The following HIVEP2 variants were observed in gnomAD, a reference collection of about 807,000 sequenced individuals.
HIVEP2 encodes the protein HIVEP zinc finger 2.
In HIVEP2, 14 loss-of-function variants were observed where a neutral mutation model predicts 180.7. The ratio of observed to expected loss-of-function variants is 0.08; its 90% confidence interval spans 0.05 to 0.12. The LOEUF (loss-of-function observed/expected upper bound fraction) is 0.12. Among genes scored for constraint, HIVEP2 ranks in the 10% least tolerant of loss-of-function variants. HIVEP2 has a pLI of 1.00. For missense variants in HIVEP2, 2,579 were observed against 3,008.5 expected (o/e 0.86, Z 3.34); for synonymous variants, 1,184 against 1,136.4 (o/e 1.04, Z -0.84).
intron 1 of HIVEP2, among the ~76,000 whole-genome samples, chr6:142,881,156 T>C (rs1205228867): frequency 6.6e-6 from 1 of 152,214 alleles, no homozygotes; most frequent in Non-Finnish European, 1.5e-5. Context: ...GACTATGCCA[T>C]GTGGCCTTAT....
intron 1 of HIVEP2, among the ~76,000 whole-genome samples, chr6:142,920,735 A>G (rs1777664194): frequency 6.6e-6 from 1 of 152,148 alleles, no homozygotes; most frequent in Non-Finnish European, 1.5e-5. Flanking sequence ...TAATCCTAGC[A>G]CTTTGGGAAG....
chr6:142,916,885 A>C (rs1777563707), intron 1 of HIVEP2, among the ~76,000 whole-genome samples: 1 of 152,252 alleles, frequency 6.6e-6, no homozygotes, highest in Admixed American at 6.5e-5. Flanking sequence ...ATATTGAAAG[A>C]AACTACTGTT....
At chr6:142,876,213 G>A (rs759281455) in intron 1 of HIVEP2, among the ~76,000 whole-genome samples, 8 of 152,126 alleles carry the variant, frequency 5.3e-5, no homozygotes, top group Non-Finnish European at 1.0e-4. Flanking sequence ...TGAGAGGTGA[G>A]GAACTTAAGA....
chr6:142,805,662 G>T (rs558925089), intron 2 of HIVEP2, among the ~76,000 whole-genome samples: 1 of 152,016 alleles, frequency 6.6e-6, no homozygotes, highest in Non-Finnish European at 1.5e-5. Flanking sequence ...AGAAGACTGC[G>T]TGTCTCCTGA....
intron 1 of HIVEP2, among the ~76,000 whole-genome samples, chr6:142,854,925 C>T (rs1293766104): frequency 6.6e-6 from 1 of 152,180 alleles, no homozygotes; most frequent in Admixed American, 6.5e-5. Context: ...CAGGTCCACT[C>T]CACCACAAAT....
At chr6:142,775,604 A>T (rs1463663198) in intron 4 of HIVEP2, among the ~76,000 whole-genome samples, 2 of 152,174 alleles carry the variant, frequency 1.3e-5, no homozygotes, top group Non-Finnish European at 2.9e-5. Flanking sequence ...GGGGAGGCTG[A>T]GGCAGGTGGA....
At chr6:142,867,773 C>T (rs198670) in intron 1 of HIVEP2, among the ~76,000 whole-genome samples, 96,244 of 152,080 alleles carry the variant, frequency 0.63, 30,905 homozygotes, top group African/African-American at 0.68. Context: ...CAGTAACTAA[C>T]GCATTAATAA....
intron 2 of HIVEP2, among the ~76,000 whole-genome samples, chr6:142,796,809 C>T (rs746092215): frequency 1.3e-5 from 2 of 152,144 alleles, no homozygotes; most frequent in Non-Finnish European, 2.9e-5. Context: ...CTGCACTTTG[C>T]TGGCCGACAA....
intron 6 of HIVEP2, among the ~76,000 whole-genome samples, chr6:142,766,360 T>C (rs1011120044): frequency 2.0e-5 from 3 of 152,188 alleles, no homozygotes; most frequent in Admixed American, 1.3e-4. Flanking sequence ...TGACTTCCAC[T>C]TGTTCTTCAA....
intron 1 of HIVEP2, among the ~76,000 whole-genome samples, chr6:142,931,641 G>A (rs1038349132): frequency 6.6e-6 from 1 of 152,140 alleles, no homozygotes; most frequent in East Asian, 1.9e-4. Context: ...CCAATTCAAA[G>A]CAAACATGTC....
chr6:142,936,883 A>C (rs7759138), intron 1 of HIVEP2, among the ~76,000 whole-genome samples: 3,852 of 151,662 alleles, frequency 0.025, 192 homozygotes, highest in African/African-American at 0.089. Context: ...TGTCTAGAAC[A>C]GCCCTTTCCC....
chr6:142,764,690 CACAA>C (rs952863483), intron 7 of HIVEP2, 105 bp downstream of exon 7: 13 of 845,652 alleles, frequency 1.5e-5, no homozygotes, highest in South Asian at 3.2e-5. Context: ...ATCATATTTT[CACAA>C]ACAAACTATC....
chr6:142,793,637 T>C (rs976711462), intron 2 of HIVEP2, among the ~76,000 whole-genome samples: 1 of 34,164 alleles, frequency 2.9e-5, no homozygotes, highest in Non-Finnish European at 5.5e-5. Flanking sequence ...TCTTTCTTTC[T>C]TTCTTTCTTT....
chr6:142,754,001 G>C (rs894064932), intron 9 of HIVEP2, 70 bp from the exon 10 acceptor site: 4 of 787,976 alleles, frequency 5.1e-6, no homozygotes, highest in Non-Finnish European at 8.2e-6. Context: ...CAAGCTGTTG[G>C]ATTCATTCAC....
rs992068260 is a variant in HIVEP2 at position 142,837,019 on chromosome 6, T to A, written c.-612A>T. 2 of 152,084 alleles carry A rather than the reference T, an allele frequency of 1.3e-5. No individual in the cohort carries two copies. Among genetic ancestry groups the A allele is most frequent in the Non-Finnish European group, 2.9e-5 (2 of 67,984 alleles). 9.4% of individuals were successfully genotyped at this position (152,084 alleles called of 1,614,324 possible). A position where few individuals can be genotyped will look rare whatever the true frequency, so the allele number is the denominator to read the frequency against. On this transcript the variant is annotated 5_prime_UTR_variant, in exon 2 of 10. Coordinates refer to ENST00000367603, the MANE Select transcript of HIVEP2 (RefSeq NM_006734.4). ...ATTTTTCAAGTAGATCTGATTACTATGGTCTTTTAAAAAATTCAAAGGCTC... is the reference window on the plus strand; with the variant it reads ...ATTTTTCAAGTAGATCTGATTACTAAGGTCTTTTAAAAAATTCAAAGGCTC...
rs1042663601 is a variant in HIVEP2 at position 142,919,465 on chromosome 6, C to T, written c.-641+25634G>A. Reference sequence around the variant, plus strand: ...ACCAGCTGCAGCTCACATCAGGAACCGTCTATAAATGTCTTCTATGCAAAT... The same window carrying T: ...ACCAGCTGCAGCTCACATCAGGAACTGTCTATAAATGTCTTCTATGCAAAT... On this transcript the variant is annotated intron_variant, in intron 1 of 9. Transcript: ENST00000367603. 5.3e-5 allele frequency among the ~76,000 whole-genome samples: 8 copies of T among 152,062 alleles called. No individual in the cohort carries two copies. In the South Asian group the frequency reaches 6.2e-4, roughly 12 times the overall value.
rs1775571293 is a variant in HIVEP2 at position 142,772,406 on chromosome 6, G to A, written c.2333C>T (p.Pro778Leu). 2 of 1,614,108 alleles carry A rather than the reference G, an allele frequency of 1.2e-6. No homozygotes were observed. The highest frequency in any genetic ancestry group is 1.7e-6 in the Non-Finnish European group (2 of 1,180,052). ...GSPSLVSEES[P>L]SAIDSDKMSD... ...CATCTTGTCTGAATCAATGGCTGAA[G>A]GTGACTCCTCTGACACAAGAGATGG... The change falls in exon 5 of 10, where the codon CCT becomes CTT. Residue 778 changes from proline to leucine, a missense_variant. This residue lies in a region of HIVEP2 where 524 missense variants were observed against 563.6 expected (regional missense o/e 0.93). Transcript: ENST00000367603. The surrounding 1 kb of genome is among the most constrained non-coding windows in gnomAD (Gnocchi z 4.9).
At chr6:142,797,452 T>C (rs924392308) in intron 2 of HIVEP2, among the ~76,000 whole-genome samples, 11 of 152,272 alleles carry the variant, frequency 7.2e-5, no homozygotes, top group Admixed American at 5.9e-4. Flanking sequence ...GGCATAAATA[T>C]TTTAGATAGA....
intron 2 of HIVEP2, among the ~76,000 whole-genome samples, chr6:142,833,558 T>C (rs958381008): frequency 2.0e-5 from 3 of 152,240 alleles, no homozygotes; most frequent in African/African-American, 7.2e-5. Context: ...CTCATACTAC[T>C]GGTTTAGTTA....
Sources: gnomAD v4.1 joint callset for allele counts (sites outside exome capture counted in the v4.1 genomes callset) on GRCh38, gnomAD v4.1.1 for gene constraint, gnomAD v4.1.1 regional missense constraint, Gnocchi (gnomAD v3.1) non-coding constraint, MANE v1.5 for transcripts, NCBI Gene and HGNC (gene_info 2026-07-23, HGNC 2026-07-21) for gene names.